The following RAB3A variants were observed in gnomAD, a reference collection of about 807,000 sequenced individuals.
The protein encoded by RAB3A is ras-related protein Rab-3A.
RAB3A carries 5 observed loss-of-function variants against 19.7 expected under a neutral mutation model. The observed-to-expected ratio is 0.25, with a 90% CI of 0.13 to 0.53. RAB3A has a LOEUF of 0.53. RAB3A is among the 20% of genes least tolerant of loss of function. The pLI is 0.95. For synonymous variants in RAB3A, 119 were observed against 122.1 expected (o/e 0.97, Z 0.17); for missense variants, 189 against 305.6 (o/e 0.62, Z 2.85).
chr19:18,202,550 A>G lies in RAB3A; in HGVS notation c.191T>C (p.Ile64Thr), dbSNP rs558028143. 1.2e-6 allele frequency: 2 copies of G among 1,614,132 alleles called. No individual in the cohort carries two copies. Among genetic ancestry groups the G allele is most frequent in the Admixed American group, 1.7e-5 (1 of 60,008 alleles). ...TVGIDFKVKT[I>T]YRNDKRIKLQ... is the part of the protein sequence containing the mutation. ...CTTGATCCTCTTGTCGTTGCGATAGATGGTCTTGACCTTGAAGTCGATGCC... is the reference window on the plus strand; with the variant it reads ...CTTGATCCTCTTGTCGTTGCGATAGGTGGTCTTGACCTTGAAGTCGATGCC... Residue 64 changes from isoleucine (I) to threonine (T), a missense_variant, in exon 2 of 5, where the codon ATC becomes ACC. Coordinates refer to ENST00000222256, the MANE Select transcript of RAB3A (RefSeq NM_002866.5). This position sits in a 1 kb window ranked among gnomAD's most constrained non-coding sequence, Gnocchi z 4.2.
In RAB3A at chr19:18,202,812, A is replaced by G. The variant is rs1254146948; in HGVS notation, c.1-72T>C. On this transcript the variant is annotated intron_variant, in intron 1 of 4. Transcript: ENST00000222256. The surrounding 1 kb of genome is among the most constrained non-coding windows in gnomAD (Gnocchi z 4.2). ...CCTCATGTGCCCAAGCCCAGGCAGA[A>G]GATGGCAAGGGCTCCAGAAAACGGC... 2.4e-6 allele frequency: 3 copies of G among 1,273,652 alleles called. No homozygotes were observed. Among genetic ancestry groups the G allele is most frequent in the Non-Finnish European group, 3.4e-6 (3 of 885,040 alleles). The allele number at this position is 1,273,652 out of a possible 1,614,324, so 78.9% of individuals were successfully genotyped here.
At position 18,202,883 on chromosome 19, in the gene RAB3A, A is replaced by C; in HGVS notation, c.1-143T>G. On this transcript the variant is annotated intron_variant, in intron 1 of 4. Coordinates refer to ENST00000222256, the MANE Select transcript of RAB3A (RefSeq NM_002866.5). The surrounding 1 kb of genome is among the most constrained non-coding windows in gnomAD (Gnocchi z 4.2). ...TATCCCATCAGGAGCCCCAGTATTA[A>C]TTGGTGGTGCCCCCAGCAGAGGGCA... is the stretch of plus-strand genomic sequence containing the variant. 1 of 639,662 alleles carries C rather than the reference A, an allele frequency of 1.6e-6. No individual in the cohort carries two copies. Among genetic ancestry groups the C allele is most frequent in the African/African-American group, 1.8e-5 (1 of 54,780 alleles). The allele number at this position is 639,662 out of a possible 1,614,324, so 39.6% of individuals were successfully genotyped here.
chr19:18,203,139 G>C (rs137935682), intron 1 of RAB3A, among the ~76,000 whole-genome samples: 1 of 152,256 alleles, frequency 6.6e-6, no homozygotes, highest in Non-Finnish European at 1.5e-5. Context: ...ATGGTCCCTC[G>C]AGGACGCGCA....
At chr19:18,198,697 T>C (rs1967568156) in intron 4 of RAB3A, 28 bp downstream of exon 4, 1 of 1,613,202 alleles carries the variant, frequency 6.2e-7, no homozygotes, top group East Asian at 2.2e-5. Context: ...TCTAGACTTG[T>C]GGGTCTCCAG....
intron 2 of RAB3A, among the ~76,000 whole-genome samples, chr19:18,201,624 C>T (rs1028374653): frequency 6.6e-6 from 1 of 152,028 alleles, no homozygotes; most frequent in Non-Finnish European, 1.5e-5. Context: ...ATGGACTGGG[C>T]ACTGATCTTT....
intron 4 of RAB3A, among the ~76,000 whole-genome samples, chr19:18,198,252 G>A (rs2147980612): frequency 6.6e-6 from 1 of 152,236 alleles, no homozygotes; most frequent in East Asian, 1.9e-4. Context: ...GAGGCCCTCT[G>A]TGATCGGCCA....
chr19:18,200,465 G>A lies in RAB3A; in HGVS notation c.229-20C>T, dbSNP rs1967592653. On this transcript the variant is annotated intron_variant, in intron 2 of 4. Transcript: ENST00000222256. Reference sequence around the variant, plus strand: ...TGTGTCCTAGGGAGGAAGAGATGAAGGTCAGAGAGGACCTGCACATAAGGC... The same window carrying A: ...TGTGTCCTAGGGAGGAAGAGATGAAAGTCAGAGAGGACCTGCACATAAGGC... 6.3e-7 allele frequency: 1 copy of A among 1,585,698 alleles called. No homozygotes were observed. Among genetic ancestry groups the A allele is most frequent in the East Asian group, 2.2e-5 (1 of 44,718 alleles).
rs1260077619 is a variant in RAB3A, at chr19:18,198,770, G to A, written c.427C>T (p.Arg143Trp). ...VGNKCDMEDERVVSSERGRQL... is the reference protein window; with the variant it reads ...VGNKCDMEDEWVVSSERGRQL... ...CGGCCACGTTCTGATGACACCACCC[G>A]CTCATCCTCCATGTCACACTTGTTT... Residue 143 changes from arginine to tryptophan, a missense_variant, in exon 4 of 5, where the codon CGG becomes TGG. By Grantham distance (101) the Arg-to-Trp change is moderately radical (BLOSUM62 -3). Transcript: ENST00000222256. 6.2e-7 allele frequency: 1 copy of A among 1,614,102 alleles called. No homozygotes were observed. The highest frequency in any genetic ancestry group is 8.5e-7 in the Non-Finnish European group (1 of 1,180,036).
Position 18,201,222 on chromosome 19 carries a change from C to T in RAB3A, c.229-777G>A, listed in dbSNP as rs528355844. Among the ~76,000 whole-genome samples the T allele has an allele frequency of 1.9e-3, 234 of 126,324 alleles. No homozygotes were observed. In the Middle Eastern group the frequency reaches 0.03, roughly 16 times the overall value. The allele number at this position is 126,324 out of a possible 152,430, so 82.9% of individuals were successfully genotyped here. A position where few individuals can be genotyped will look rare whatever the true frequency, so the allele number is the denominator to read the frequency against. ...TGCACTCCACCCTGGGTGACAAGAGCGAGACTCCGTCTCAAAACAATAACA... is the reference window on the plus strand; with the variant it reads ...TGCACTCCACCCTGGGTGACAAGAGTGAGACTCCGTCTCAAAACAATAACA... On this transcript the variant is annotated intron_variant, in intron 2 of 4. Transcript: ENST00000222256.
chr19:18,197,873 CTTTTT>C (rs56264905), intron 4 of RAB3A, among the ~76,000 whole-genome samples: 62 of 90,178 alleles, frequency 6.9e-4, no homozygotes, highest in African/African-American at 2.2e-3. Flanking sequence ...GCATTTCCTG[CTTTTT>C]TTTTTTTTTT....
At chr19:18,198,218 G>C (rs1164699635) in intron 4 of RAB3A, among the ~76,000 whole-genome samples, 2 of 152,046 alleles carry the variant, frequency 1.3e-5, no homozygotes, top group South Asian at 2.1e-4. Context: ...CCTCCAAAGA[G>C]TCCCAGCCTC....
intron 4 of RAB3A, among the ~76,000 whole-genome samples, chr19:18,198,120 G>C (rs1967558891): frequency 6.6e-6 from 1 of 151,926 alleles, no homozygotes; most frequent in Admixed American, 6.6e-5. Context: ...GTCCAGCCCA[G>C]CCCCGTGCAC....
Position 18,197,436 on chromosome 19 carries a change from G to C in RAB3A, c.*34C>G. The C allele has an allele frequency of 6.3e-7, 1 of 1,588,180 alleles. No individual in the cohort carries two copies. Among genetic ancestry groups the C allele is most frequent in the Non-Finnish European group, 8.6e-7 (1 of 1,164,674 alleles). The stretch of plus-strand genomic sequence containing the variant: ...CGGGTAGTTGGGGGAAGGTGGGGAA[G>C]ACAGGGAAGAGGGGAAAGGGAGTGG... On this transcript the variant is annotated 3_prime_UTR_variant, in exon 5 of 5. Coordinates refer to ENST00000222256, the MANE Select transcript of RAB3A (RefSeq NM_002866.5).
chr19:18,199,636 G>A (rs917976972), intron 3 of RAB3A, among the ~76,000 whole-genome samples: 1 of 151,906 alleles, frequency 6.6e-6, no homozygotes, highest in African/African-American at 2.4e-5. Context: ...CGATTCTCCT[G>A]CCTCAGGCTC....
chr19:18,201,411 A>G (rs1014384731), intron 2 of RAB3A, among the ~76,000 whole-genome samples: 1 of 150,476 alleles, frequency 6.6e-6, no homozygotes, highest in African/African-American at 2.4e-5. Flanking sequence ...GCGAAACCCT[A>G]TCTCTACTAA....
chr19:18,198,657 G>C (rs1967567550), intron 4 of RAB3A, 68 bp downstream of exon 4: 1 of 1,591,240 alleles, frequency 6.3e-7, no homozygotes. Flanking sequence ...GACCTTGGGT[G>C]TGTGCCCTCC....
Position 18,200,456 on chromosome 19 carries a change from A to G in RAB3A, c.229-11T>C, listed in dbSNP as rs756300128. On this transcript the variant is annotated splice_polypyrimidine_tract_variant and intron_variant, in intron 2 of 4. Coordinates refer to ENST00000222256, the MANE Select transcript of RAB3A (RefSeq NM_002866.5). The stretch of plus-strand genomic sequence containing the variant: ...TTGCCCTGCTGTGTCCTAGGGAGGA[A>G]GAGATGAAGGTCAGAGAGGACCTGC... 6.2e-7 allele frequency: 1 copy of G among 1,602,546 alleles called. No homozygotes were observed. Among genetic ancestry groups the G allele is most frequent in the South Asian group, 1.1e-5 (1 of 89,782 alleles).
At position 18,202,874 on chromosome 19, in the gene RAB3A, C is replaced by A; in HGVS notation, c.1-134G>T. 1 of 666,568 alleles carries A rather than the reference C, an allele frequency of 1.5e-6. No homozygotes were observed. Among genetic ancestry groups the A allele is most frequent in the South Asian group, 1.8e-5 (1 of 55,748 alleles). 41.3% of individuals were successfully genotyped at this position (666,568 alleles called of 1,614,324 possible). ...GGACACCCTTATCCCATCAGGAGCC[C>A]CAGTATTAATTGGTGGTGCCCCCAG... On this transcript the variant is annotated intron_variant, in intron 1 of 4. Transcript: ENST00000222256. This position sits in a 1 kb window ranked among gnomAD's most constrained non-coding sequence, Gnocchi z 4.2.
At chr19:18,198,969 A>T (rs1003181401) in intron 3 of RAB3A, 120 bp from the exon 4 acceptor site, 19 of 1,256,836 alleles carry the variant, frequency 1.5e-5, no homozygotes, top group Non-Finnish European at 2.0e-5. Context: ...TTGCCCCTCC[A>T]TCCTCCCCAC....
Sources: allele counts gnomAD v4.1 joint callset (sites outside exome capture counted in the v4.1 genomes callset), GRCh38; gene constraint gnomAD v4.1.1; non-coding constraint Gnocchi (gnomAD v3.1); transcripts MANE v1.5; gene names NCBI Gene and HGNC (gene_info 2026-07-23, HGNC 2026-07-21).